Variants in IL1RAPL2 observed in about 807,000 individuals in gnomAD.
IL1RAPL2 encodes interleukin 1 receptor accessory protein like 2.
IL1RAPL2 carries 3 observed loss-of-function variants against 44.1 expected under a neutral mutation model. That is an observed-to-expected ratio of 0.07 (90% confidence interval 0.03 to 0.18). IL1RAPL2 has a LOEUF of 0.18. Among genes scored for constraint, IL1RAPL2 ranks in the 10% least tolerant of loss-of-function variants. The pLI is 1.00. For synonymous variants in IL1RAPL2, 181 were observed against 178.8 expected, an observed-to-expected ratio of 1.01 and a Z score of -0.10; for missense variants, 391 against 496.4, an observed-to-expected ratio of 0.79 and a Z score of 2.02.
chrX:104,662,859 G>C (rs1569292224), intron 2 of IL1RAPL2, among the ~76,000 whole-genome samples: 1 of 111,835 alleles, frequency 8.9e-6, no homozygotes, highest in Non-Finnish European at 1.9e-5. Context: ...GAAAGCATCA[G>C]TCTGATGAGT....
At chrX:105,012,748 A>G (rs1489549174) in intron 2 of IL1RAPL2, among the ~76,000 whole-genome samples, 1 of 109,564 alleles carries the variant, frequency 9.1e-6, no homozygotes, top group Non-Finnish European at 1.9e-5. Flanking sequence ...ATTTCAACAA[A>G]GGGTAAGTTA....
intron 2 of IL1RAPL2, among the ~76,000 whole-genome samples, chrX:105,058,938 G>T (rs919361607): frequency 2.7e-5 from 3 of 111,236 alleles, no homozygotes; most frequent in Non-Finnish European, 5.7e-5. Context: ...GAGGGTTGGG[G>T]CAGTGACACC....
chrX:105,113,717 T>C (rs1426465808), intron 2 of IL1RAPL2, among the ~76,000 whole-genome samples: 1 of 111,865 alleles, frequency 8.9e-6, no homozygotes, highest in African/African-American at 3.3e-5. Flanking sequence ...TCTCTGACAG[T>C]CATCTTATTG....
intron 2 of IL1RAPL2, among the ~76,000 whole-genome samples, chrX:105,168,414 G>GGTGTGT (rs57882187): frequency 0.042 from 3,742 of 89,287 alleles, 289 homozygotes; most frequent in African/African-American, 0.17. Flanking sequence ...AACCATAGGA[G>GGTGTGT]GTGTGTGTGT....
rs191909925 is a variant in IL1RAPL2 at position 105,138,057 on chromosome X, A to C, written c.83-57418A>C. Among the ~76,000 whole-genome samples, 402 of 111,580 alleles carry C rather than the reference A, an allele frequency of 3.6e-3. 1 individual carries two copies. The highest frequency in any genetic ancestry group is 6.8e-3 in the Non-Finnish European group (359 of 53,084). On this transcript the variant is annotated intron_variant, in intron 2 of 10. Transcript: ENST00000372582. ...CACTGCACTCCAGCCTGGGTGACCG[A>C]GTGAGATCCTGTCTCAAAAAATATG...
chrX:104,749,338 G>T (rs1932222218), intron 2 of IL1RAPL2, among the ~76,000 whole-genome samples: 1 of 110,843 alleles, frequency 9.0e-6, no homozygotes, highest in Non-Finnish European at 1.9e-5. Flanking sequence ...TGCATGCCTA[G>T]CCCATCTGCT....
At chrX:104,901,092 G>T (rs1346169472) in intron 2 of IL1RAPL2, among the ~76,000 whole-genome samples, 1 of 105,853 alleles carries the variant, frequency 9.4e-6, no homozygotes, top group African/African-American at 3.5e-5. Flanking sequence ...TTATTCCTTT[G>T]TTTGTTCATT....
At chrX:105,621,282 A>C (rs1024722399) in intron 6 of IL1RAPL2, among the ~76,000 whole-genome samples, 1 of 111,598 alleles carries the variant, frequency 9.0e-6, no homozygotes, top group Non-Finnish European at 1.9e-5. Context: ...TGTAGAACTT[A>C]CTGTGGACAA....
At chrX:105,681,412 C>A (rs922251169) in intron 6 of IL1RAPL2, among the ~76,000 whole-genome samples, 1 of 111,780 alleles carries the variant, frequency 8.9e-6, no homozygotes, top group Non-Finnish European at 1.9e-5. Context: ...CAAAGGACTT[C>A]CTTATACATC....
At chrX:104,686,722 G>A (rs748760305) in intron 2 of IL1RAPL2, among the ~76,000 whole-genome samples, 20 of 111,966 alleles carry the variant, frequency 1.8e-4, no homozygotes, top group Non-Finnish European at 3.4e-4. Flanking sequence ...AGCCCTGTTG[G>A]TGAACATAAA....
intron 2 of IL1RAPL2, among the ~76,000 whole-genome samples, chrX:104,684,889 T>G (rs1425205630): frequency 2.7e-5 from 3 of 112,196 alleles, no homozygotes; most frequent in African/African-American, 9.7e-5. Context: ...AGCACTGTGT[T>G]TGGAGTTATG....
rs1924066203 is a variant in IL1RAPL2 at position 104,907,746 on chromosome X, G to C, written c.82+248751G>C. ...AAGTATGTGGTCAATTTTGGAATAG[G>C]TGTGGTGTGGTGCTGAAAAAAATGT... On this transcript the variant is annotated intron_variant, in intron 2 of 10. Coordinates refer to ENST00000372582, the MANE Select transcript of IL1RAPL2 (RefSeq NM_017416.2). Among the ~76,000 whole-genome samples, 3 of 110,471 alleles carry C rather than the reference G, an allele frequency of 2.7e-5. No individual in the cohort carries two copies. In the South Asian group the frequency reaches 1.2e-3, roughly 43 times the overall value.
intron 2 of IL1RAPL2, among the ~76,000 whole-genome samples, chrX:105,191,540 G>A (rs2033633098): frequency 8.9e-6 from 1 of 111,978 alleles, no homozygotes; most frequent in African/African-American, 3.3e-5. Flanking sequence ...GTACCCACAA[G>A]ACTAAACCAA....
At chrX:104,756,079 A>AT (rs946516407) in intron 2 of IL1RAPL2, among the ~76,000 whole-genome samples, 12 of 110,475 alleles carry the variant, frequency 1.1e-4, no homozygotes, top group South Asian at 7.5e-4. Context: ...TGCTTGTGTG[A>AT]TTTTTTTTGG....
chrX:104,585,184 T>A (rs867729630), intron 1 of IL1RAPL2, among the ~76,000 whole-genome samples: 2 of 61,713 alleles, frequency 3.2e-5, no homozygotes, highest in Non-Finnish European at 5.0e-5. Context: ...TATACACACA[T>A]ACACACATGT....
At chrX:104,947,242 C>T (rs1162023051) in intron 2 of IL1RAPL2, among the ~76,000 whole-genome samples, 20 of 109,773 alleles carry the variant, frequency 1.8e-4, no homozygotes, top group Middle Eastern at 4.7e-3. Context: ...TCCTGTCCTT[C>T]GCCCACTTTT....
At chrX:105,587,154 T>C (rs2037134845) in intron 6 of IL1RAPL2, among the ~76,000 whole-genome samples, 1 of 112,062 alleles carries the variant, frequency 8.9e-6, no homozygotes, top group African/African-American at 3.2e-5. Flanking sequence ...TACTTTATCA[T>C]GGACAATAGT....
intron 2 of IL1RAPL2, among the ~76,000 whole-genome samples, chrX:104,804,998 T>C (rs1000737310): frequency 8.9e-6 from 1 of 112,245 alleles, no homozygotes; most frequent in South Asian, 3.8e-4. Context: ...TGCAAGAAGA[T>C]AGAGCTGAGA....
At chrX:105,589,238 T>C (rs1470927075) in intron 6 of IL1RAPL2, among the ~76,000 whole-genome samples, 1 of 111,782 alleles carries the variant, frequency 8.9e-6, no homozygotes, top group African/African-American at 3.2e-5. Flanking sequence ...GGGGTAATTT[T>C]TTTTCTTGTA....
Sources: gnomAD v4.1 joint callset for allele counts (sites outside exome capture counted in the v4.1 genomes callset) on GRCh38, gnomAD v4.1.1 for gene constraint, MANE v1.5 for transcripts, NCBI Gene and HGNC (gene_info 2026-07-23, HGNC 2026-07-21) for gene names.